ABHD17C: variants seen among roughly 807,000 people sequenced by gnomAD.
ABHD17C encodes the protein alpha/beta hydrolase domain-containing protein 17C.
A neutral mutation model predicts 27.9 loss-of-function variants in ABHD17C; 11 were observed. The ratio of observed to expected loss-of-function variants is 0.39; its 90% CI spans 0.25 to 0.65. The LOEUF (loss-of-function observed/expected upper bound fraction) is 0.65. ABHD17C is among the 30% of genes least tolerant of loss of function. The pLI is 0.45. For missense variants in ABHD17C, 280 were observed against 470.2 expected (o/e 0.60, Z 3.74); for synonymous variants, 233 against 209.1 (o/e 1.11, Z -0.98).
At chr15:80,749,816 G>A in intron 2 of ABHD17C, 124 bp downstream of exon 2, 4 of 1,173,344 alleles carry the variant, frequency 3.4e-6, no homozygotes, top group Non-Finnish European at 4.8e-6. Flanking sequence ...TGTGCTGGGT[G>A]CCACAGGGCA....
intron 1 of ABHD17C, among the ~76,000 whole-genome samples, chr15:80,711,808 T>G (rs1209815441): frequency 6.6e-6 from 1 of 152,256 alleles, no homozygotes; most frequent in Non-Finnish European, 1.5e-5. Flanking sequence ...TTACATTTGC[T>G]AAAGAACTGC....
chr15:80,701,003 C>T (rs930152826), intron 1 of ABHD17C, among the ~76,000 whole-genome samples: 2 of 152,172 alleles, frequency 1.3e-5, no homozygotes, highest in Non-Finnish European at 2.9e-5. Flanking sequence ...TATCGTTAAT[C>T]CCAAGCTGTT....
chr15:80,713,939 CAT>C (rs1271916209), intron 1 of ABHD17C, among the ~76,000 whole-genome samples: 11,811 of 144,974 alleles, frequency 0.081, 612 homozygotes, highest in Middle Eastern at 0.15. Flanking sequence ...CACACACACA[CAT>C]ATATTTATTT....
chr15:80,697,974 T>G (rs913580190), intron 1 of ABHD17C, among the ~76,000 whole-genome samples: 1 of 152,194 alleles, frequency 6.6e-6, no homozygotes, highest in Non-Finnish European at 1.5e-5. Flanking sequence ...CATACACGTC[T>G]GTATCCACAT....
intron 1 of ABHD17C, among the ~76,000 whole-genome samples, chr15:80,713,946 T>A (rs1259612989): frequency 1.9e-4 from 19 of 101,430 alleles, no homozygotes; most frequent in African/African-American, 5.8e-4. Context: ...ACACATATAT[T>A]TATTTATTTA....
intron 1 of ABHD17C, among the ~76,000 whole-genome samples, chr15:80,708,886 G>C (rs182946109): frequency 3.5e-4 from 54 of 152,284 alleles, no homozygotes; most frequent in African/African-American, 1.3e-3. Context: ...AGGCCCAGAT[G>C]CAATCATTTT....
intron 1 of ABHD17C, among the ~76,000 whole-genome samples, chr15:80,720,470 C>G (rs1894879474): frequency 6.6e-6 from 1 of 152,102 alleles, no homozygotes; most frequent in Admixed American, 6.5e-5. Flanking sequence ...AGGCATTGTC[C>G]TGTAGGCACC....
At chr15:80,751,670 C>T (rs1305632111) in intron 2 of ABHD17C, among the ~76,000 whole-genome samples, 2 of 152,162 alleles carry the variant, frequency 1.3e-5, no homozygotes, top group African/African-American at 4.8e-5. Flanking sequence ...ATTCCTTAAG[C>T]CCAGCTTTAT....
At chr15:80,726,706 G>T (rs1183874113) in intron 1 of ABHD17C, among the ~76,000 whole-genome samples, 1 of 151,588 alleles carries the variant, frequency 6.6e-6, no homozygotes, top group African/African-American at 2.4e-5. Context: ...TAGAGATGGG[G>T]TTTCACCGTG....
intron 1 of ABHD17C, among the ~76,000 whole-genome samples, chr15:80,727,993 G>A (rs1479176392): frequency 2.0e-5 from 3 of 152,104 alleles, no homozygotes; most frequent in Non-Finnish European, 2.9e-5. Context: ...AGCTCTGGAG[G>A]CAGGCATCTG....
chr15:80,753,217 A>G (rs1426894084), intron 2 of ABHD17C, among the ~76,000 whole-genome samples: 1 of 151,818 alleles, frequency 6.6e-6, no homozygotes, highest in African/African-American at 2.4e-5. Flanking sequence ...ATCTAAAAGT[A>G]ATATAAAGAT....
intron 1 of ABHD17C, among the ~76,000 whole-genome samples, chr15:80,737,045 G>C (rs1367728469): frequency 6.6e-6 from 1 of 152,076 alleles, no homozygotes; most frequent in Non-Finnish European, 1.5e-5. Context: ...CCCATATGCT[G>C]AGTGGGAATG....
chr15:80,726,350 T>C (rs1894974919), intron 1 of ABHD17C, among the ~76,000 whole-genome samples: 1 of 152,194 alleles, frequency 6.6e-6, no homozygotes, highest in Non-Finnish European at 1.5e-5. Flanking sequence ...GGCCAGTTTA[T>C]GGCCAGATTT....
At chr15:80,709,183 A>G (rs1055974452) in intron 1 of ABHD17C, among the ~76,000 whole-genome samples, 2 of 151,528 alleles carry the variant, frequency 1.3e-5, no homozygotes, top group African/African-American at 4.8e-5. Context: ...ATAAATATAT[A>G]GTTTTTTAAA....
chr15:80,722,176 G>C, intron 1 of ABHD17C, among the ~76,000 whole-genome samples: 1 of 151,428 alleles, frequency 6.6e-6, no homozygotes, highest in Non-Finnish European at 1.5e-5. Context: ...AATTCCTTCT[G>C]ATTTTTCCCT....
chr15:80,700,980 C>T (rs1255332961), intron 1 of ABHD17C, among the ~76,000 whole-genome samples: 3 of 152,194 alleles, frequency 2.0e-5, no homozygotes, highest in Non-Finnish European at 4.4e-5. Flanking sequence ...CCGTGTACTA[C>T]GTACTCTTGA....
intron 2 of ABHD17C, among the ~76,000 whole-genome samples, chr15:80,751,365 G>GA (rs985747101): frequency 7.4e-4 from 108 of 146,788 alleles, no homozygotes; most frequent in Non-Finnish European, 1.2e-3. Context: ...GTCTCCAAAG[G>GA]AAAAAAAAAA....
intron 1 of ABHD17C, among the ~76,000 whole-genome samples, chr15:80,703,835 AC>A (rs1487453653): frequency 6.6e-6 from 1 of 152,052 alleles, no homozygotes; most frequent in African/African-American, 2.4e-5. Flanking sequence ...ACATTCCAAG[AC>A]CCCCAGTGGA....
intron 1 of ABHD17C, among the ~76,000 whole-genome samples, chr15:80,707,722 G>A (rs936503460): frequency 6.6e-6 from 1 of 152,152 alleles, no homozygotes; most frequent in African/African-American, 2.4e-5. Context: ...ACAACTTCAT[G>A]CTGTGGTTTG....
Sources: allele counts gnomAD v4.1 joint callset (sites outside exome capture counted in the v4.1 genomes callset), GRCh38; gene constraint gnomAD v4.1.1; transcripts MANE v1.5; gene names NCBI Gene and HGNC (gene_info 2026-07-23, HGNC 2026-07-21).